The following CACNA1E variants were observed in gnomAD, a reference collection of about 807,000 sequenced individuals.
The protein encoded by CACNA1E is calcium voltage-gated channel subunit alpha1 E, also known as voltage-dependent R-type calcium channel subunit alpha-1E.
In CACNA1E, 40 loss-of-function variants were observed where a neutral mutation model predicts 259.2. The ratio of observed to expected loss-of-function variants is 0.15; its 90% CI spans 0.12 to 0.20. The LOEUF (loss-of-function observed/expected upper bound fraction) is 0.20. CACNA1E is among the 10% of genes least tolerant of loss of function. The pLI, the probability that CACNA1E is intolerant of heterozygous loss-of-function variation, is 1.00. For synonymous variants in CACNA1E, 1,104 were observed against 1,138.5 expected (o/e 0.97, Z 0.61); for missense variants, 1,874 against 3,040.1 (o/e 0.62, Z 9.02).
intron 1 of CACNA1E, among the ~76,000 whole-genome samples, chr1:181,325,367 G>A (rs971302972): frequency 7.9e-5 from 12 of 152,174 alleles, no homozygotes; most frequent in African/African-American, 2.9e-4. Context: ...AGACCAGTCT[G>A]GGGGTACATG....
intron 7 of CACNA1E, among the ~76,000 whole-genome samples, chr1:181,657,304 T>G (rs1659284538): frequency 6.6e-6 from 1 of 152,082 alleles, no homozygotes. Context: ...GAGATTTCAG[T>G]CAAAGACTGA....
chr1:181,796,749 T>G lies in CACNA1E; in HGVS notation c.6290T>G (p.Val2097Gly). The change falls in exon 47 of 48, where the codon GTC becomes GGC. Residue 2097 changes from valine (V) to glycine (G), a missense_variant. Physicochemically the swap from Val to Gly is moderately radical, Grantham distance 109. Transcript: ENST00000367573. Reference sequence around the variant, plus strand: ...CGAAAGCATCTTCTCTCTCCTGATGTCTCCCGCTGCAATTCAGAAGAGCGA... The same window carrying G: ...CGAAAGCATCTTCTCTCTCCTGATGGCTCCCGCTGCAATTCAGAAGAGCGA... ...KERKHLLSPD[V>G]SRCNSEERGT... is the part of the protein sequence containing the mutation. 2 of 1,613,282 alleles carry G rather than the reference T, an allele frequency of 1.2e-6. No homozygotes were observed. Among genetic ancestry groups the G allele is most frequent in the South Asian group, 2.2e-5 (2 of 90,902 alleles).
chr1:181,788,481 C>A (rs1661030024), intron 43 of CACNA1E, among the ~76,000 whole-genome samples: 1 of 152,188 alleles, frequency 6.6e-6, no homozygotes, highest in South Asian at 2.1e-4. Context: ...GATTTACTTA[C>A]AGTTCTGATA....
At chr1:181,694,486 G>T (rs758172164) in intron 7 of CACNA1E, among the ~76,000 whole-genome samples, 1 of 152,166 alleles carries the variant, frequency 6.6e-6, no homozygotes, top group Admixed American at 6.6e-5. Context: ...CCTCGTGAAT[G>T]GATTAATGCC....
chr1:181,746,803 C>T (rs1657127561), intron 25 of CACNA1E, among the ~76,000 whole-genome samples: 1 of 152,100 alleles, frequency 6.6e-6, no homozygotes, highest in Admixed American at 6.5e-5. Context: ...CCAGTGGTTC[C>T]CATTTGAAAG....
chr1:181,391,394 G>A (rs1443319134), intron 1 of CACNA1E, among the ~76,000 whole-genome samples: 3 of 152,210 alleles, frequency 2.0e-5, no homozygotes, highest in Non-Finnish European at 2.9e-5. Flanking sequence ...TGGTTGCATA[G>A]GTACAAATAG....
At chr1:181,775,075 G>A (rs559321046) in intron 37 of CACNA1E, among the ~76,000 whole-genome samples, 27 of 152,350 alleles carry the variant, frequency 1.8e-4, no homozygotes, top group African/African-American at 6.5e-4. Context: ...CAAGATGGCT[G>A]TAGTGGCAGC....
intron 34 of CACNA1E, 56 bp downstream of exon 34, chr1:181,763,587 G>GTGTT: frequency 7.3e-7 from 1 of 1,374,512 alleles, no homozygotes. Context: ...AGTACAGCCA[G>GTGTT]GCAACACTGG....
At chr1:181,391,442 G>C (rs957728836) in intron 1 of CACNA1E, among the ~76,000 whole-genome samples, 2 of 152,148 alleles carry the variant, frequency 1.3e-5, no homozygotes, top group African/African-American at 4.8e-5. Context: ...CCGTTACCAT[G>C]TTTACACTGG....
At chr1:181,692,388 C>A (rs1224824712) in intron 7 of CACNA1E, among the ~76,000 whole-genome samples, 1 of 152,172 alleles carries the variant, frequency 6.6e-6, no homozygotes, top group East Asian at 1.9e-4. Context: ...CATCACACTA[C>A]CTGATTTCAA....
intron 3 of CACNA1E, among the ~76,000 whole-genome samples, chr1:181,537,966 G>A (rs1488352679): frequency 6.6e-6 from 1 of 152,128 alleles, no homozygotes; most frequent in African/African-American, 2.4e-5. Flanking sequence ...AACAAAAATG[G>A]CACTAATAAA....
At position 181,485,186 on chromosome 1, in the gene CACNA1E, C is replaced by T. The variant is rs1663687563; in HGVS notation, c.266+1176C>T. Among the ~76,000 whole-genome samples the T allele has an allele frequency of 6.6e-6, 1 of 152,178 alleles. No individual in the cohort carries two copies. Among genetic ancestry groups the T allele is most frequent in the Non-Finnish European group, 1.5e-5 (1 of 68,036 alleles). On this transcript the variant is annotated intron_variant, in intron 1 of 47. Transcript: ENST00000367573. This position sits in a 1 kb window ranked among gnomAD's most constrained non-coding sequence, Gnocchi z 4.2. Reference sequence around the variant, plus strand: ...GATGCATCTGCAATGGAGGCCCCTTCTTTTCTCCCCTATTCTCCCTCTTTC... The same window carrying T: ...GATGCATCTGCAATGGAGGCCCCTTTTTTTCTCCCCTATTCTCCCTCTTTC...
At chr1:181,412,754 C>T (rs111978116) in intron 1 of CACNA1E, among the ~76,000 whole-genome samples, 60 of 152,250 alleles carry the variant, frequency 3.9e-4, no homozygotes, top group African/African-American at 1.3e-3. Context: ...GTGCGGCCCT[C>T]GGAGTTCTCT....
intron 3 of CACNA1E, among the ~76,000 whole-genome samples, chr1:181,537,847 T>C (rs1227190662): frequency 6.6e-6 from 1 of 152,200 alleles, no homozygotes; most frequent in Non-Finnish European, 1.5e-5. Flanking sequence ...TACAGTGAGA[T>C]TAAATAATTT....
rs777909140 is a variant in CACNA1E at position 181,750,429 on chromosome 1, T to C, written c.3720-47T>C. 222 of 1,599,688 alleles carry C rather than the reference T, an allele frequency of 1.4e-4. 1 individual carries two copies. Among genetic ancestry groups the C allele is most frequent in the Middle Eastern group, 3.3e-4 (2 of 6,066 alleles). On this transcript the variant is annotated intron_variant, in intron 25 of 47. Coordinates refer to ENST00000367573, the MANE Select transcript of CACNA1E (RefSeq NM_001205293.3). Reference sequence around the variant, plus strand: ...TCTACCCCAACCCCATTTTTTTGTTTTGTTTTATTTTGATTTTCTACTGCT... The same window carrying C: ...TCTACCCCAACCCCATTTTTTTGTTCTGTTTTATTTTGATTTTCTACTGCT...
At chr1:181,652,299 A>G (rs1185619376) in intron 7 of CACNA1E, among the ~76,000 whole-genome samples, 1 of 152,234 alleles carries the variant, frequency 6.6e-6, no homozygotes, top group Non-Finnish European at 1.5e-5. Context: ...TTTTCTAAGC[A>G]AAACTGAACT....
intron 1 of CACNA1E, among the ~76,000 whole-genome samples, chr1:181,364,127 C>T (rs553255752): frequency 4.8e-4 from 73 of 152,182 alleles, no homozygotes; most frequent in Non-Finnish European, 7.2e-4. Context: ...GTTTATTCCC[C>T]GTGACTCTGA....
rs1340579838 is a variant in CACNA1E at position 181,801,646 on chromosome 1, G to A, written c.*2812G>A. 6.6e-6 allele frequency: 1 copy of A among 152,194 alleles called. No homozygotes were observed. The highest frequency in any genetic ancestry group is 2.4e-5 in the African/African-American group (1 of 41,440). The allele number at this position is 152,194 out of a possible 1,614,324, so 9.4% of individuals were successfully genotyped here. ...GTGAATGCCAGCCTTCCCTTGCTGGGTGTCAGAGTCTGCCTCCCTTGAAAA... is the reference window on the plus strand; with the variant it reads ...GTGAATGCCAGCCTTCCCTTGCTGGATGTCAGAGTCTGCCTCCCTTGAAAA... On this transcript the variant is annotated 3_prime_UTR_variant, in exon 48 of 48. Coordinates refer to ENST00000367573, the MANE Select transcript of CACNA1E (RefSeq NM_001205293.3).
At chr1:181,686,284 T>TTTTTTTTTTTG (rs1394093123) in intron 7 of CACNA1E, among the ~76,000 whole-genome samples, 14 of 122,542 alleles carry the variant, frequency 1.1e-4, no homozygotes, top group South Asian at 5.5e-4. Flanking sequence ...AGTTTTTTTT[T>TTTTTTTTTTTG]TTTTTTTTTT....
Sources: gnomAD v4.1 joint callset for allele counts (sites outside exome capture counted in the v4.1 genomes callset) on GRCh38, gnomAD v4.1.1 for gene constraint, Gnocchi (gnomAD v3.1) non-coding constraint, MANE v1.5 for transcripts, NCBI Gene and HGNC (gene_info 2026-07-23, HGNC 2026-07-21) for gene names.